HP1BP3: variants seen among roughly 807,000 people sequenced by gnomAD.
HP1BP3 encodes heterochromatin protein 1-binding protein 3.
HP1BP3 carries 12 observed loss-of-function variants against 62.5 expected under a neutral mutation model. The observed-to-expected ratio is 0.19, with a 90% CI of 0.12 to 0.31. HP1BP3 has a LOEUF of 0.31. Ranked by LOEUF, HP1BP3 falls within the 10% of genes least tolerant of loss-of-function variation. The pLI, the probability that HP1BP3 is intolerant of heterozygous loss-of-function variation, is 1.00. For missense variants in HP1BP3, 502 were observed against 651.8 expected, an observed-to-expected ratio of 0.77 and a Z score of 2.50; for synonymous variants, 260 against 237.8, an observed-to-expected ratio of 1.09 and a Z score of -0.86.
chr1:20,756,905 G>A (rs548677317), intron 9 of HP1BP3, among the ~76,000 whole-genome samples: 3 of 152,172 alleles, frequency 2.0e-5, no homozygotes, highest in East Asian at 1.9e-4. Flanking sequence ...TAGTGGAGAC[G>A]ACAGGGTTTC....
intron 6 of HP1BP3, among the ~76,000 whole-genome samples, chr1:20,770,707 C>A (rs2057019444): frequency 6.6e-6 from 1 of 152,122 alleles, no homozygotes; most frequent in African/African-American, 2.4e-5. Flanking sequence ...CAAAAAATAT[C>A]CAATTAAGAG....
intron 8 of HP1BP3, among the ~76,000 whole-genome samples, chr1:20,762,517 A>ATCCCCTAATCACGAT: frequency 6.6e-6 from 1 of 152,176 alleles, no homozygotes; most frequent in African/African-American, 2.4e-5. Flanking sequence ...CTAATCACGA[A>ATCCCCTAATCACGAT]TCCCCTAATC....
rs377087073 is a variant in HP1BP3 at position 20,741,023 on chromosome 1, T to A, written c.*3774A>T. On this transcript the variant is annotated 3_prime_UTR_variant, in exon 13 of 13. Coordinates refer to ENST00000438032, the MANE Select transcript of HP1BP3 (RefSeq NM_001372052.1). ...AAGTGAGTGACCATCTGTTCCACCATGAAAATGCAAAAGCAAAATCTACAT... is the reference window on the plus strand; with the variant it reads ...AAGTGAGTGACCATCTGTTCCACCAAGAAAATGCAAAAGCAAAATCTACAT... 6.6e-6 allele frequency among the ~76,000 whole-genome samples: 1 copy of A among 152,196 alleles called. No homozygotes were observed. The highest frequency in any genetic ancestry group is 1.9e-4 in the East Asian group (1 of 5,200).
intron 8 of HP1BP3, among the ~76,000 whole-genome samples, chr1:20,762,747 T>C (rs913853897): frequency 6.6e-6 from 1 of 152,152 alleles, no homozygotes; most frequent in Non-Finnish European, 1.5e-5. Flanking sequence ...CATATATTAA[T>C]GTCTCATGTT....
In HP1BP3 at chr1:20,765,972, A is replaced by C. The variant is rs550533201; in HGVS notation, c.736-441T>G. The stretch of plus-strand genomic sequence containing the variant: ...AGAACGAGACTCCGTCTCAAAAAAA[A>C]AAAAAAACAAAAAAAACACAACAAA... On this transcript the variant is annotated intron_variant, in intron 7 of 12. Transcript: ENST00000438032. Among the ~76,000 whole-genome samples, 107 of 150,676 alleles carry C rather than the reference A, an allele frequency of 7.1e-4. 1 individual carries two copies. The highest frequency in any genetic ancestry group is 1.5e-3 in the Admixed American group (23 of 15,118).
intron 1 of HP1BP3, among the ~76,000 whole-genome samples, chr1:20,786,984 G>T (rs1435891297): frequency 6.6e-6 from 1 of 152,054 alleles, no homozygotes; most frequent in Non-Finnish European, 1.5e-5. Flanking sequence ...CACCAAAAGG[G>T]CAGGGGGCTA....
At chr1:20,746,186 A>ATATGTGTG (rs1286650893) in intron 11 of HP1BP3, among the ~76,000 whole-genome samples, 4,615 of 143,144 alleles carry the variant, frequency 0.032, 111 homozygotes, top group African/African-American at 0.059. Context: ...ACATACATAT[A>ATATGTGTG]TGTGTGTGTG....
rs1570528350 is a variant in HP1BP3 at position 20,744,893 on chromosome 1, G to A, written c.1566C>T (p.Gly522=). The change falls in exon 13 of 13, where the codon GGC becomes GGT. Residue 522 remains glycine, a synonymous_variant. Coordinates refer to ENST00000438032, the MANE Select transcript of HP1BP3 (RefSeq NM_001372052.1). ...CACTGGTTGCAGGCTTCTTTGAGGA[G>A]CCACCACTAGGTTTCTTGATGACTG... is the stretch of plus-strand genomic sequence containing the variant. ...SSTVIKKPSG[G]SSKKPATSAR... is the part of the protein sequence containing the mutation. 6.2e-7 allele frequency: 1 copy of A among 1,614,150 alleles called. No homozygotes were observed. Among genetic ancestry groups the A allele is most frequent in the East Asian group, 2.2e-5 (1 of 44,880 alleles).
chr1:20,778,304 G>C (rs1482106194), intron 3 of HP1BP3, among the ~76,000 whole-genome samples: 1 of 152,206 alleles, frequency 6.6e-6, no homozygotes, highest in African/African-American at 2.4e-5. Flanking sequence ...AAAACATAGA[G>C]TTTACAAAAT....
rs1227721720 is a variant in HP1BP3, at chr1:20,740,821, AAAT to A, written c.*3973_*3975del. Among the ~76,000 whole-genome samples, 3 of 152,274 alleles carry A rather than the reference AAAT, an allele frequency of 2.0e-5. No individual in the cohort carries two copies. The highest frequency in any genetic ancestry group is 2.9e-5 in the Non-Finnish European group (2 of 68,050). The stretch of plus-strand genomic sequence containing the variant: ...TGACACAGCAAACTCCATCTCAAAA[AAAT>A]AATAAGTAAAAGAATATAGTTATAA... On this transcript the variant is annotated 3_prime_UTR_variant, in exon 13 of 13. Transcript: ENST00000438032.
chr1:20,745,198 A>C, intron 12 of HP1BP3, 107 bp from the exon 13 acceptor site: 1 of 1,273,506 alleles, frequency 7.9e-7, no homozygotes, highest in Non-Finnish European at 1.1e-6. Context: ...GTGGTCACTT[A>C]CGTTAAGAAT....
At chr1:20,761,061 T>C (rs1269626253) in intron 8 of HP1BP3, among the ~76,000 whole-genome samples, 1 of 152,080 alleles carries the variant, frequency 6.6e-6, no homozygotes, top group Non-Finnish European at 1.5e-5. Context: ...TTTATTTATT[T>C]GGAGACGGAG....
chr1:20,768,596 T>G (rs182575025), intron 6 of HP1BP3, among the ~76,000 whole-genome samples: 2 of 152,278 alleles, frequency 1.3e-5, no homozygotes, highest in Admixed American at 1.3e-4. Flanking sequence ...TCCCAGCATT[T>G]TGGAAGGCCG....
intron 7 of HP1BP3, among the ~76,000 whole-genome samples, chr1:20,766,332 G>C (rs1037157524): frequency 2.6e-5 from 4 of 151,860 alleles, no homozygotes; most frequent in Admixed American, 6.6e-5. Flanking sequence ...GTAAAAAGGA[G>C]TGTAGATTTT....
intron 8 of HP1BP3, among the ~76,000 whole-genome samples, chr1:20,765,075 A>G (rs2056709882): frequency 6.6e-6 from 1 of 151,132 alleles, no homozygotes; most frequent in South Asian, 2.1e-4. Context: ...AGGCGGAGGC[A>G]GGAGAATCCT....
At chr1:20,784,224 C>A (rs905901885) in intron 1 of HP1BP3, among the ~76,000 whole-genome samples, 3 of 152,066 alleles carry the variant, frequency 2.0e-5, no homozygotes, top group Admixed American at 1.3e-4. Context: ...TCTGCCTCGG[C>A]CTCTCAACGT....
At chr1:20,752,038 T>A (rs2055791124) in intron 9 of HP1BP3, among the ~76,000 whole-genome samples, 1 of 151,758 alleles carries the variant, frequency 6.6e-6, no homozygotes, top group Non-Finnish European at 1.5e-5. Context: ...GGCGGGTGGA[T>A]CAGCTGAGGT....
In HP1BP3 at chr1:20,757,281, T is replaced by A. The variant is rs541261954; in HGVS notation, c.891-25A>T. 4.3e-6 allele frequency: 6 copies of A among 1,387,160 alleles called. No homozygotes were observed. The East Asian group carries it at 9.2e-5, about 21-fold the overall frequency. 85.9% of individuals were successfully genotyped at this position (1,387,160 alleles called of 1,614,324 possible). A position where few individuals can be genotyped will look rare whatever the true frequency, so the allele number is the denominator to read the frequency against. On this transcript the variant is annotated intron_variant, in intron 8 of 12. Transcript: ENST00000438032. The stretch of plus-strand genomic sequence containing the variant: ...CCTGCAAAGAAAAACAAAAAAAAAA[T>A]AGTGATAAATACATTAATGAAAGAA...
intron 4 of HP1BP3, chr1:20,775,836 G>A (rs1462211623): frequency 1.1e-5 from 10 of 904,082 alleles, no homozygotes; most frequent in African/African-American, 8.6e-5. Context: ...GCTGTACCAC[G>A]TAGGTTTGTG....
Sources: gnomAD v4.1 joint callset for allele counts (sites outside exome capture counted in the v4.1 genomes callset) on GRCh38, gnomAD v4.1.1 for gene constraint, MANE v1.5 for transcripts, NCBI Gene and HGNC (gene_info 2026-07-23, HGNC 2026-07-21) for gene names.